The following SHPRH variants were observed in gnomAD, a reference collection of about 807,000 sequenced individuals.
SHPRH encodes SNF2 histone linker PHD RING helicase, also known as E3 ubiquitin-protein ligase SHPRH.
SHPRH carries 106 observed loss-of-function variants against 202.5 expected under a neutral mutation model. That is an observed-to-expected ratio of 0.52 (90% confidence interval 0.45 to 0.62). The LOEUF (loss-of-function observed/expected upper bound fraction) is 0.62, where lower values mean the gene tolerates loss of function less well. Among genes scored for constraint, SHPRH ranks in the 20% least tolerant of loss-of-function variants. The probability of loss-of-function intolerance (pLI) is 0.00; values close to 1 mark genes in which losing one functional copy is unlikely to be tolerated. For missense variants in SHPRH, 1,710 were observed against 2,020.0 expected, an observed-to-expected ratio of 0.85 and a Z score of 2.94; for synonymous variants, 729 against 686.0, an observed-to-expected ratio of 1.06 and a Z score of -0.98.
At chr6:145,901,230 G>A (rs925602446) in intron 25 of SHPRH, among the ~76,000 whole-genome samples, 1 of 152,022 alleles carries the variant, frequency 6.6e-6, no homozygotes, top group Non-Finnish European at 1.5e-5. Flanking sequence ...AAACATAAAA[G>A]GATGGTTTAT....
chr6:145,929,084 T>C (rs1785169559), intron 14 of SHPRH, among the ~76,000 whole-genome samples: 1 of 151,948 alleles, frequency 6.6e-6, no homozygotes, highest in African/African-American at 2.4e-5. Flanking sequence ...AACTATAATG[T>C]AAAGCAGCTG....
intron 20 of SHPRH, 24 bp downstream of exon 20, chr6:145,922,262 G>A: frequency 1.3e-6 from 2 of 1,574,802 alleles, no homozygotes; most frequent in East Asian, 2.4e-5. Flanking sequence ...TTCTTGATGG[G>A]TAATAATCAA....
intron 25 of SHPRH, among the ~76,000 whole-genome samples, chr6:145,902,255 T>C (rs935740555): frequency 2.6e-5 from 4 of 152,126 alleles, no homozygotes; most frequent in African/African-American, 7.2e-5. Flanking sequence ...CTAATGAAGT[T>C]TGGCCTGGAA....
At position 145,885,971 on chromosome 6, in the gene SHPRH, T is replaced by C. The variant is rs1170644787; in HGVS notation, c.*720A>G. ...CTTTAACAATAAGAAAAATTAAGAG[T>C]AGGGAAAGCAGATAATTTTAAGGTA... On this transcript the variant is annotated 3_prime_UTR_variant, in exon 30 of 30. Transcript: ENST00000275233. 1 of 151,632 alleles carries C rather than the reference T, an allele frequency of 6.6e-6. No individual in the cohort carries two copies. The highest frequency in any genetic ancestry group is 1.5e-5 in the Non-Finnish European group (1 of 67,976). 9.4% of individuals were successfully genotyped at this position (151,632 alleles called of 1,614,324 possible). A position where few individuals can be genotyped will look rare whatever the true frequency, so the allele number is the denominator to read the frequency against.
intron 29 of SHPRH, 75 bp from the exon 30 acceptor site, chr6:145,886,862 A>G: frequency 6.9e-7 from 1 of 1,452,374 alleles, no homozygotes; most frequent in Non-Finnish European, 9.2e-7. Context: ...AGTAATACGA[A>G]CTAGACACAT....
rs566653329 is a variant in SHPRH, at chr6:145,918,468, C to T, written c.4153-236G>A. ...AGAGTTCTTTTAAACAGGAAGTGTC[C>T]CTATGTACCTGAAGTCAGATAAAAA... On this transcript the variant is annotated intron_variant, in intron 22 of 29. Transcript: ENST00000275233. 6 of 272,062 alleles carry T rather than the reference C, an allele frequency of 2.2e-5. No homozygotes were observed. The South Asian group carries it at 7.4e-4, about 33-fold the overall frequency. 16.9% of individuals were successfully genotyped at this position (272,062 alleles called of 1,614,324 possible).
intron 21 of SHPRH, 44 bp downstream of exon 21, chr6:145,921,123 A>T (rs985463812): frequency 6.5e-7 from 1 of 1,536,636 alleles, no homozygotes; most frequent in South Asian, 1.2e-5. Context: ...TGATGTAAAA[A>T]AGAAGAATTT....
At position 145,921,257 on chromosome 6, in the gene SHPRH, T is replaced by C. The variant is rs1053618990; in HGVS notation, c.3918A>G (p.Ser1306=). The C allele has an allele frequency of 1.9e-6, 3 of 1,612,922 alleles. No individual in the cohort carries two copies. Among genetic ancestry groups the C allele is most frequent in the South Asian group, 1.1e-5 (1 of 91,064 alleles). ...ETERSMKAIL[S]FAKSHRFDVE... is the part of the protein sequence containing the mutation. ...CATCAAACCTATGTGATTTTGCAAA[T>C]GATAGTATTGCTTTCATAGATCGCT... Residue 1306 remains serine, a synonymous_variant, in exon 21 of 30, where the codon TCA becomes TCG. Transcript: ENST00000275233.
downstream of SHPRH, among the ~76,000 whole-genome samples, chr6:145,861,263 T>C (rs1001197833): frequency 1.3e-5 from 2 of 151,932 alleles, no homozygotes; most frequent in Non-Finnish European, 2.9e-5. Context: ...AACAAATAAT[T>C]TGATTTAAAA....
chr6:145,863,243 A>G (rs931960915), downstream of SHPRH, among the ~76,000 whole-genome samples: 1 of 152,216 alleles, frequency 6.6e-6, no homozygotes, highest in Non-Finnish European at 1.5e-5. Flanking sequence ...ACTAGATGAT[A>G]CTTGTGGTGA....
intron 19 of SHPRH, 124 bp from the exon 20 acceptor site, chr6:145,922,472 A>ATGTG: frequency 7.9e-7 from 1 of 1,273,866 alleles, no homozygotes; most frequent in Non-Finnish European, 1.1e-6. Flanking sequence ...TAGAAAAAAC[A>ATGTG]AATCACATGG....
chr6:145,940,648 A>C, intron 11 of SHPRH, 75 bp downstream of exon 11: 2 of 1,425,444 alleles, frequency 1.4e-6, no homozygotes, highest in Non-Finnish European at 9.8e-7. Context: ...GCAAAGGTTA[A>C]GCATAACAAT....
chr6:145,915,805 T>C (rs771007759), intron 23 of SHPRH, among the ~76,000 whole-genome samples: 26 of 125,410 alleles, frequency 2.1e-4, no homozygotes, highest in Non-Finnish European at 3.6e-4. Flanking sequence ...ATCTAGGCAG[T>C]ATTTTGTTTT....
chr6:145,913,657 C>A, intron 23 of SHPRH, 108 bp from the exon 24 acceptor site: 1 of 772,432 alleles, frequency 1.3e-6, no homozygotes, highest in Non-Finnish European at 2.0e-6. Context: ...TTACAATTTA[C>A]ATAATCTAAC....
chr6:145,884,523 A>ACCCCC (rs1205090777), downstream of SHPRH: 1 of 152,158 alleles, frequency 6.6e-6, no homozygotes, highest in Non-Finnish European at 1.5e-5. Flanking sequence ...TTAGCATAGC[A>ACCCCC]CCCATTTAAG....
intron 15 of SHPRH, among the ~76,000 whole-genome samples, chr6:145,926,954 A>T (rs977643542): frequency 6.6e-6 from 1 of 151,994 alleles, no homozygotes; most frequent in Admixed American, 6.6e-5. Flanking sequence ...ACTGTAGCTT[A>T]TATAGACTTA....
chr6:145,881,916 C>T (rs1780601240), downstream of SHPRH, among the ~76,000 whole-genome samples: 1 of 152,034 alleles, frequency 6.6e-6, no homozygotes, highest in South Asian at 2.1e-4. Context: ...CCAGCCTGGG[C>T]AACATAGCGA....
chr6:145,943,706 C>T lies in SHPRH; in HGVS notation c.1675G>A (p.Asp559Asn). The change falls in exon 9 of 30, where the codon GAT becomes AAT. Residue 559 changes from aspartate to asparagine, a missense_variant. Asp to Asn is a conservative substitution (Grantham distance 23). This residue lies in a region of SHPRH where 348 missense variants were observed against 356.9 expected (regional missense o/e 0.97). Transcript: ENST00000275233. The part of the protein sequence containing the change: ...EYLPSDTSDD[D>N]DDPYYYYYKS... ...TAATAATAATAGTAAGGATCATCAT[C>T]ATCATCAGAGGTGTCTGATGGCAAG... 4 of 1,613,756 alleles carry T rather than the reference C, an allele frequency of 2.5e-6. No individual in the cohort carries two copies. Among genetic ancestry groups the T allele is most frequent in the Non-Finnish European group, 3.4e-6 (4 of 1,179,834 alleles).
intron 14 of SHPRH, 104 bp downstream of exon 14, chr6:145,932,953 T>TG: frequency 8.0e-7 from 1 of 1,248,028 alleles, no homozygotes. Flanking sequence ...AGTATCTTTT[T>TG]GGGGGAAAAA....
Sources: gnomAD v4.1 joint callset for allele counts (sites outside exome capture counted in the v4.1 genomes callset) on GRCh38, gnomAD v4.1.1 for gene constraint, gnomAD v4.1.1 regional missense constraint, MANE v1.5 for transcripts, NCBI Gene and HGNC (gene_info 2026-07-23, HGNC 2026-07-21) for gene names.